Variants in RGS6 observed in about 807,000 individuals in gnomAD.
RGS6 encodes regulator of G-protein signaling 6.
A neutral mutation model predicts 78.5 loss-of-function variants in RGS6; 30 were observed. That is an observed-to-expected ratio of 0.38 (90% CI 0.29 to 0.52). The LOEUF is 0.52. RGS6 is among the 20% of genes least tolerant of loss of function. The pLI is 0.85. For synonymous variants in RGS6, 206 were observed against 206.0 expected, an observed-to-expected ratio of 1.00 and a Z score of 0.00; for missense variants, 495 against 609.7, an observed-to-expected ratio of 0.81 and a Z score of 1.98.
chr14:72,521,037 A>G (rs2097030820), intron 15 of RGS6, among the ~76,000 whole-genome samples: 1 of 152,238 alleles, frequency 6.6e-6, no homozygotes, highest in African/African-American at 2.4e-5. Flanking sequence ...TGGATTGTTT[A>G]TCATTTCCAG....
chr14:72,585,882 C>T, the RGS6 span, among the ~76,000 whole-genome samples: 1 of 152,236 alleles, frequency 6.6e-6, no homozygotes. Context: ...GGTCTCAAAA[C>T]TTCTCACCTG....
intron 2 of RGS6, among the ~76,000 whole-genome samples, chr14:72,119,300 A>G (rs1296965600): frequency 7.9e-5 from 12 of 152,198 alleles, no homozygotes; most frequent in African/African-American, 2.9e-4. Flanking sequence ...AAAACTGGTA[A>G]TGTGAGGATT....
Position 71,937,984 on chromosome 14 carries a change from G to A in RGS6, c.-21+5043G>A, listed in dbSNP as rs555671676. Among the ~76,000 whole-genome samples the A allele has an allele frequency of 9.8e-5, 15 of 152,314 alleles. 1 individual carries two copies. The East Asian group carries it at 1.2e-3, about 12-fold the overall frequency. On this transcript the variant is annotated intron_variant, in intron 1 of 17. Transcript: ENST00000553525. The stretch of plus-strand genomic sequence containing the variant: ...GGTCAGCCTTGGTGAGTGGAAGTCC[G>A]TGTTGCTGAGCCCATGCATAACCTC...
intron 2 of RGS6, among the ~76,000 whole-genome samples, chr14:72,250,236 A>G (rs1452562784): frequency 6.7e-6 from 1 of 149,460 alleles, no homozygotes; most frequent in Non-Finnish European, 1.5e-5. Flanking sequence ...AACTTAAACT[A>G]TAATAAAAAA....
intron 12 of RGS6, among the ~76,000 whole-genome samples, chr14:72,483,992 A>C (rs561502380): frequency 6.6e-6 from 1 of 151,262 alleles, no homozygotes; most frequent in South Asian, 2.1e-4. Context: ...TAGATTAATT[A>C]ATTAATTGCT....
intron 2 of RGS6, among the ~76,000 whole-genome samples, chr14:72,329,247 C>T (rs2074452458): frequency 1.3e-5 from 2 of 152,270 alleles, no homozygotes; most frequent in Non-Finnish European, 2.9e-5. Context: ...TACATGCACA[C>T]ACATACATAT....
At chr14:72,584,838 T>A in the RGS6 span, among the ~76,000 whole-genome samples, 4 of 152,126 alleles carry the variant, frequency 2.6e-5, no homozygotes, top group Non-Finnish European at 4.4e-5. Flanking sequence ...GCCAGGTTTT[T>A]GGAAGTTGGG....
At chr14:72,379,162 T>A (rs2085437067) in intron 3 of RGS6, among the ~76,000 whole-genome samples, 1 of 152,018 alleles carries the variant, frequency 6.6e-6, no homozygotes, top group South Asian at 2.1e-4. Flanking sequence ...TCAATTAAGA[T>A]GGTATAGAAG....
At chr14:72,305,699 G>A (rs1272451793) in intron 2 of RGS6, among the ~76,000 whole-genome samples, 3 of 152,034 alleles carry the variant, frequency 2.0e-5, no homozygotes, top group African/African-American at 7.2e-5. Flanking sequence ...CTCTCTTCAG[G>A]CTTCTTTATT....
rs76240221 is a variant in RGS6 at position 72,431,928 on chromosome 14, A to C, written c.185-22600A>C. Among the ~76,000 whole-genome samples the C allele has an allele frequency of 8.3e-3, 1,265 of 152,074 alleles. 18 individuals carry two copies. The highest frequency in any genetic ancestry group is 0.029 in the African/African-American group (1,191 of 41,440). ...TGGTATTTGGGATTTTCTCATTTTG[A>C]ATCTGGGGGTGAAGAGGGGAATTTA... On this transcript the variant is annotated intron_variant, in intron 3 of 17. Transcript: ENST00000553525.
the RGS6 span, among the ~76,000 whole-genome samples, chr14:71,913,527 C>T: frequency 1.3e-5 from 2 of 152,256 alleles, no homozygotes; most frequent in Non-Finnish European, 2.9e-5. Flanking sequence ...AGTCATTCGC[C>T]TCCCACATCC....
intron 10 of RGS6, among the ~76,000 whole-genome samples, chr14:72,475,199 G>GTTTTTTT (rs11300478): frequency 3.3e-5 from 4 of 122,032 alleles, no homozygotes; most frequent in South Asian, 2.8e-4. Context: ...CTTTTTTATG[G>GTTTTTTT]TTTTTTTTTT....
chr14:72,190,807 G>T (rs909534997), intron 2 of RGS6, among the ~76,000 whole-genome samples: 3 of 152,206 alleles, frequency 2.0e-5, no homozygotes, highest in African/African-American at 7.2e-5. Flanking sequence ...GTGTTAACAT[G>T]CAGAAATTCC....
intron 17 of RGS6, among the ~76,000 whole-genome samples, chr14:72,556,728 T>C (rs8005548): frequency 0.25 from 36,753 of 149,272 alleles, 4,733 homozygotes; most frequent in Middle Eastern, 0.32. Flanking sequence ...AAAAATCCAT[T>C]ACGTTTATTT....
chr14:72,101,843 A>T (rs3784052), intron 2 of RGS6, among the ~76,000 whole-genome samples: 52,696 of 151,968 alleles, frequency 0.35, 9,848 homozygotes, highest in Admixed American at 0.41. Flanking sequence ...CTCATAGGGG[A>T]ATTACTGCTT....
At chr14:72,289,805 G>A (rs2063253243) in intron 2 of RGS6, among the ~76,000 whole-genome samples, 1 of 152,154 alleles carries the variant, frequency 6.6e-6, no homozygotes, top group Non-Finnish European at 1.5e-5. Context: ...ATTATCTCAT[G>A]TGGACAGGTG....
chr14:72,029,579 G>A (rs1013388658), intron 2 of RGS6, among the ~76,000 whole-genome samples: 11 of 152,194 alleles, frequency 7.2e-5, no homozygotes, highest in African/African-American at 2.4e-4. Context: ...TGCTGCAGGA[G>A]CAGGAACTGA....
At chr14:72,004,972 C>T (rs192853880) in intron 2 of RGS6, among the ~76,000 whole-genome samples, 4 of 152,266 alleles carry the variant, frequency 2.6e-5, no homozygotes, top group South Asian at 2.1e-4. Context: ...TCATAAAAAG[C>T]GAATGCCTTT....
At chr14:71,873,638 T>G in the RGS6 span, among the ~76,000 whole-genome samples, 9 of 152,196 alleles carry the variant, frequency 5.9e-5, no homozygotes, top group African/African-American at 2.2e-4. Context: ...CAGAAACTGT[T>G]TAGTTTAATT....
Sources: allele counts gnomAD v4.1 joint callset (sites outside exome capture counted in the v4.1 genomes callset), GRCh38; gene constraint gnomAD v4.1.1; transcripts MANE v1.5; gene names NCBI Gene and HGNC (gene_info 2026-07-23, HGNC 2026-07-21).